RPS6KC1: variants seen among roughly 807,000 people sequenced by gnomAD.
The protein encoded by RPS6KC1 is inactive ribosomal protein S6 kinase delta-1.
Under a neutral mutation model 103.8 loss-of-function variants are expected in RPS6KC1, and 54 were observed. The ratio of observed to expected loss-of-function variants is 0.52; its 90% CI spans 0.42 to 0.65. The LOEUF is 0.65. Ranked by LOEUF, RPS6KC1 falls within the 30% of genes least tolerant of loss-of-function variation. The probability of loss-of-function intolerance (pLI) is 0.00; values close to 1 mark genes in which losing one functional copy is unlikely to be tolerated. For missense variants in RPS6KC1, 1,151 were observed against 1,253.8 expected (o/e 0.92, Z 1.24); for synonymous variants, 439 against 438.7 (o/e 1.00, Z -0.01).
the RPS6KC1 span, among the ~76,000 whole-genome samples, chr1:213,572,962 C>T: frequency 4.0e-5 from 6 of 151,838 alleles, no homozygotes; most frequent in Non-Finnish European, 7.4e-5. Context: ...TTAATGGTCC[C>T]TTTGTGCCCT....
chr1:213,602,240 T>C, the RPS6KC1 span, among the ~76,000 whole-genome samples: 9,085 of 114,278 alleles, frequency 0.079, 504 homozygotes, highest in East Asian at 0.11. Flanking sequence ...TTCCTTCCTC[T>C]CTTTCTCTCT....
chr1:213,445,451 T>C, the RPS6KC1 span, among the ~76,000 whole-genome samples: 1 of 152,224 alleles, frequency 6.6e-6, no homozygotes, highest in Non-Finnish European at 1.5e-5. Flanking sequence ...ATACTGTGTA[T>C]GTTTTTCTTT....
the RPS6KC1 span, among the ~76,000 whole-genome samples, chr1:213,512,570 G>T: frequency 6.6e-6 from 1 of 152,188 alleles, no homozygotes; most frequent in Non-Finnish European, 1.5e-5. Flanking sequence ...AACTGCTGGA[G>T]TTCCAGCAGG....
chr1:213,267,460 A>G (rs2094938291), intron 14 of RPS6KC1, among the ~76,000 whole-genome samples: 1 of 152,042 alleles, frequency 6.6e-6, no homozygotes, highest in Admixed American at 6.6e-5. Context: ...TAGAGTTGCT[A>G]AAATATACTA....
chr1:213,262,364 T>G (rs1279089402), intron 13 of RPS6KC1, among the ~76,000 whole-genome samples: 2 of 152,242 alleles, frequency 1.3e-5, no homozygotes, highest in Non-Finnish European at 2.9e-5. Flanking sequence ...ACTAACAAAT[T>G]CTAAACTCTG....
At chr1:213,603,859 CA>C in the RPS6KC1 span, among the ~76,000 whole-genome samples, 3 of 147,904 alleles carry the variant, frequency 2.0e-5, no homozygotes, top group South Asian at 6.5e-4. Context: ...GACTCTGTCT[CA>C]AAAAAAGAAA....
At chr1:213,747,010 A>G in the RPS6KC1 span, among the ~76,000 whole-genome samples, 3 of 152,198 alleles carry the variant, frequency 2.0e-5, no homozygotes, top group Non-Finnish European at 2.9e-5. Context: ...TGAGTTTTAA[A>G]TATAAGTTTG....
chr1:213,334,170 C>A, the RPS6KC1 span, among the ~76,000 whole-genome samples: 1 of 152,128 alleles, frequency 6.6e-6, no homozygotes, highest in African/African-American at 2.4e-5. Flanking sequence ...CATGAATGAA[C>A]TCATTTAGTC....
At chr1:213,783,815 CAA>C in the RPS6KC1 span, among the ~76,000 whole-genome samples, 1,470 of 65,784 alleles carry the variant, frequency 0.022, 27 homozygotes, top group African/African-American at 0.051. Context: ...AAGATGTTGC[CAA>C]AAAAAAAAAA....
At chr1:213,322,026 C>T in the RPS6KC1 span, among the ~76,000 whole-genome samples, 1 of 152,124 alleles carries the variant, frequency 6.6e-6, no homozygotes, top group African/African-American at 2.4e-5. Context: ...TGAGGGCTGG[C>T]CCAGCATGGT....
intron 4 of RPS6KC1, among the ~76,000 whole-genome samples, chr1:213,109,655 G>A (rs2082829374): frequency 6.6e-6 from 1 of 151,972 alleles, no homozygotes; most frequent in Admixed American, 6.6e-5. Context: ...ATTCTTTTGT[G>A]TGGCTATGGA....
the RPS6KC1 span, among the ~76,000 whole-genome samples, chr1:213,862,310 G>A: frequency 6.6e-6 from 1 of 152,136 alleles, no homozygotes; most frequent in East Asian, 1.9e-4. Flanking sequence ...ATCCTTCCAG[G>A]CCCAATATTT....
the RPS6KC1 span, among the ~76,000 whole-genome samples, chr1:213,717,123 A>G: frequency 6.6e-6 from 1 of 152,240 alleles, no homozygotes; most frequent in Non-Finnish European, 1.5e-5. Flanking sequence ...GGCAAAATGA[A>G]TAGGGCACTA....
At chr1:213,180,391 T>A (rs1347980982) in intron 8 of RPS6KC1, among the ~76,000 whole-genome samples, 1 of 152,128 alleles carries the variant, frequency 6.6e-6, no homozygotes, top group African/African-American at 2.4e-5. Context: ...AGAACCAAAT[T>A]AGTACAAATT....
intron 8 of RPS6KC1, among the ~76,000 whole-genome samples, chr1:213,182,895 G>GTATATATCATATATATATCATGA (rs1437112899): frequency 1.4e-5 from 2 of 146,754 alleles, no homozygotes; most frequent in Non-Finnish European, 3.0e-5. Context: ...TATATATGAC[G>GTATATATCATATATATATCATGA]TATATATCAT....
the RPS6KC1 span, among the ~76,000 whole-genome samples, chr1:213,603,657 C>T: frequency 6.6e-5 from 10 of 151,630 alleles, no homozygotes; most frequent in Admixed American, 1.3e-4. Context: ...GTCAGGAGTT[C>T]GAGACCAGCC....
intron 12 of RPS6KC1, among the ~76,000 whole-genome samples, chr1:213,256,553 A>C (rs944734879): frequency 1.6e-4 from 24 of 151,466 alleles, no homozygotes; most frequent in South Asian, 8.3e-4. Context: ...AAAAAGTCGC[A>C]AAAAAAATCT....
In RPS6KC1 at chr1:213,274,508, T is replaced by C. The variant is rs1436024141; in HGVS notation, c.*1874T>C. On this transcript the variant is annotated 3_prime_UTR_variant, in exon 15 of 15. Transcript: ENST00000366960. ...TCCATTGCTTCAGTTTCTCCCCTTT[T>C]CTCTCTATATGTTTGGTTGGAGCTT... 6.6e-6 allele frequency: 1 copy of C among 152,182 alleles called. No homozygotes were observed. Among genetic ancestry groups the C allele is most frequent in the African/African-American group, 2.4e-5 (1 of 41,452 alleles). 9.4% of individuals were successfully genotyped at this position (152,182 alleles called of 1,614,324 possible).
chr1:213,822,338 C>T, the RPS6KC1 span: 8 of 152,142 alleles, frequency 5.3e-5, no homozygotes, highest in African/African-American at 1.9e-4. Context: ...TGAATCTCTT[C>T]TCTATCTATT....
Sources: gnomAD v4.1 joint callset for allele counts (sites outside exome capture counted in the v4.1 genomes callset) on GRCh38, gnomAD v4.1.1 for gene constraint, MANE v1.5 for transcripts, NCBI Gene and HGNC (gene_info 2026-07-23, HGNC 2026-07-21) for gene names.